Variants in MAST4 observed in about 807,000 individuals in gnomAD.
MAST4 encodes microtubule-associated serine/threonine-protein kinase 4.
A neutral mutation model predicts 162.7 loss-of-function variants in MAST4; 89 were observed. That is an observed-to-expected ratio of 0.55 (90% confidence interval 0.46 to 0.65). MAST4 has a LOEUF of 0.65. Among genes scored for constraint, MAST4 ranks in the 30% least tolerant of loss-of-function variants. The pLI is 0.00. For missense variants in MAST4, 3,153 were observed against 3,374.0 expected, an observed-to-expected ratio of 0.93 and a Z score of 1.62; for synonymous variants, 1,479 against 1,361.1, an observed-to-expected ratio of 1.09 and a Z score of -1.91.
At chr5:67,032,060 A>T (rs1173535144) in intron 4 of MAST4, among the ~76,000 whole-genome samples, 1 of 152,156 alleles carries the variant, frequency 6.6e-6, no homozygotes, top group Non-Finnish European at 1.5e-5. Flanking sequence ...CTCTTGCTCC[A>T]TGGCTGCTTT....
rs761157176 is a variant in MAST4, at chr5:67,121,048, A to G, written c.1691A>G (p.Lys564Arg). ...AATGCCTCCCTGAAACTTCGAAGGA[A>G]ACCTCGGGAAAGTGATTTTGAAACG... ...SSNASLKLRRKPRESDFETIK... is the reference protein window; with the variant it reads ...SSNASLKLRRRPRESDFETIK... Residue 564 changes from lysine to arginine, a missense_variant, in exon 14 of 29, where the codon AAA becomes AGA. Around this residue, in one of 7 missense-constraint regions of MAST4, gnomAD observed 360 missense variants for 450.0 expected, o/e 0.80. Coordinates refer to ENST00000403625, the MANE Select transcript of MAST4 (RefSeq NM_001164664.2). The G allele has an allele frequency of 4.3e-6, 7 of 1,611,478 alleles. No homozygotes were observed. The highest frequency in any genetic ancestry group is 5.9e-6 in the Non-Finnish European group (7 of 1,178,832).
intron 4 of MAST4, chr5:66,963,636 C>A (rs548429219): frequency 1.3e-6 from 1 of 771,300 alleles, no homozygotes; most frequent in African/African-American, 1.7e-5. Context: ...GAACACAGTC[C>A]CTTAACTGAG....
At chr5:66,810,988 G>C (rs1756448664) in intron 3 of MAST4, among the ~76,000 whole-genome samples, 1 of 152,172 alleles carries the variant, frequency 6.6e-6, no homozygotes, top group South Asian at 2.1e-4. Flanking sequence ...CTTCTAAGTG[G>C]GGACTGTTTG....
rs562865453 is a variant in MAST4, at chr5:67,014,971, G to A, written c.675-39433G>A. 9.2e-5 allele frequency among the ~76,000 whole-genome samples: 14 copies of A among 152,196 alleles called. No individual in the cohort carries two copies. In the South Asian group the frequency reaches 2.9e-3, roughly 32 times the overall value. On this transcript the variant is annotated intron_variant, in intron 4 of 28. Transcript: ENST00000403625. ...TTAGAGGTCAAAGAGAACAGATACT[G>A]AACTGGTTAGCTATTAATATGATAC...
At chr5:67,097,765 AT>A (rs1440627557) in intron 7 of MAST4, among the ~76,000 whole-genome samples, 1 of 152,114 alleles carries the variant, frequency 6.6e-6, no homozygotes, top group Non-Finnish European at 1.5e-5. Flanking sequence ...AGCTTCCAGA[AT>A]TACTCCTTTT....
At chr5:66,950,913 T>C (rs191960031) in intron 4 of MAST4, among the ~76,000 whole-genome samples, 1 of 152,342 alleles carries the variant, frequency 6.6e-6, no homozygotes, top group Admixed American at 6.5e-5. Context: ...TACTTCCTTT[T>C]GCTCAACATT....
intron 4 of MAST4, among the ~76,000 whole-genome samples, chr5:66,910,741 C>T (rs13360696): frequency 0.078 from 1,502 of 19,296 alleles, 19 homozygotes; most frequent in African/African-American, 0.13. Context: ...TTTTTTTTTT[C>T]TTTTTTTTTT....
At chr5:66,996,426 TA>T (rs1273618534) in intron 4 of MAST4, among the ~76,000 whole-genome samples, 1 of 152,104 alleles carries the variant, frequency 6.6e-6, no homozygotes, top group Non-Finnish European at 1.5e-5. Flanking sequence ...ATTTATTACA[TA>T]TTTTTTAAAA....
At chr5:66,701,322 C>T (rs1460240403) in intron 1 of MAST4, among the ~76,000 whole-genome samples, 1 of 152,210 alleles carries the variant, frequency 6.6e-6, no homozygotes, top group Non-Finnish European at 1.5e-5. Context: ...GAAACTGCTA[C>T]TCAATGTCTT....
chr5:66,801,248 A>G (rs1466318920), intron 3 of MAST4, among the ~76,000 whole-genome samples: 2 of 152,168 alleles, frequency 1.3e-5, no homozygotes, highest in Non-Finnish European at 2.9e-5. Context: ...TTACTGTAGA[A>G]TTTCAGAAGG....
chr5:66,856,327 C>T (rs1481190432), intron 3 of MAST4, among the ~76,000 whole-genome samples: 1 of 152,194 alleles, frequency 6.6e-6, no homozygotes. Context: ...TAGGTGTCAG[C>T]TGCACTTGCA....
chr5:66,870,353 T>G (rs1218077085), intron 3 of MAST4, among the ~76,000 whole-genome samples: 1 of 152,212 alleles, frequency 6.6e-6, no homozygotes. Context: ...TTTGTTCATA[T>G]CTAAATGGGT....
rs899188151 is a variant in MAST4, at chr5:66,909,138, C to T, written c.674+9156C>T. ...AGCCAGATCATTGGAGTAGCATTTTCTCAGGGGCTGTTCCATTTCCATGAA... is the reference window on the plus strand; with the variant it reads ...AGCCAGATCATTGGAGTAGCATTTTTTCAGGGGCTGTTCCATTTCCATGAA... On this transcript the variant is annotated intron_variant, in intron 4 of 28. Transcript: ENST00000403625. 2.6e-5 allele frequency among the ~76,000 whole-genome samples: 4 copies of T among 152,130 alleles called. No homozygotes were observed. The East Asian group carries it at 7.7e-4, about 29-fold the overall frequency.
chr5:66,804,814 A>G (rs894502418), intron 3 of MAST4, among the ~76,000 whole-genome samples: 46 of 152,160 alleles, frequency 3.0e-4, no homozygotes, highest in Admixed American at 2.0e-3. Flanking sequence ...TTATAGGACT[A>G]TTCTGATTTT....
At chr5:66,692,332 A>G (rs1749096097) in intron 1 of MAST4, among the ~76,000 whole-genome samples, 1 of 151,344 alleles carries the variant, frequency 6.6e-6, no homozygotes, top group Admixed American at 6.6e-5. Flanking sequence ...CTGTCTCCCT[A>G]TATAAGCTCT....
At chr5:66,764,766 TAAG>T (rs973982181) in intron 2 of MAST4, among the ~76,000 whole-genome samples, 47 of 152,172 alleles carry the variant, frequency 3.1e-4, no homozygotes, top group African/African-American at 6.0e-4. Context: ...AGTTTAAAAT[TAAG>T]AAGTTTATAA....
chr5:66,651,712 C>G (rs1174184138), intron 1 of MAST4, among the ~76,000 whole-genome samples: 1 of 152,156 alleles, frequency 6.6e-6, no homozygotes, highest in Non-Finnish European at 1.5e-5. Flanking sequence ...GGCCTCAACT[C>G]TTTCACAGCA....
intron 19 of MAST4, among the ~76,000 whole-genome samples, chr5:67,137,545 TCCC>T (rs1247864937): frequency 6.6e-6 from 1 of 152,146 alleles, no homozygotes; most frequent in Non-Finnish European, 1.5e-5. Context: ...AATCATTTTC[TCCC>T]CCATTTTTTT....
intron 1 of MAST4, among the ~76,000 whole-genome samples, chr5:66,645,115 G>T (rs935734979): frequency 6.6e-6 from 1 of 151,990 alleles, no homozygotes; most frequent in Non-Finnish European, 1.5e-5. Flanking sequence ...GGAGACACTG[G>T]GTCTTTAATC....
Sources: gnomAD v4.1 joint callset for allele counts (sites outside exome capture counted in the v4.1 genomes callset) on GRCh38, gnomAD v4.1.1 for gene constraint, gnomAD v4.1.1 regional missense constraint, MANE v1.5 for transcripts, NCBI Gene and HGNC (gene_info 2026-07-23, HGNC 2026-07-21) for gene names.